The following CDH4 variants were observed in gnomAD, a reference collection of about 807,000 sequenced individuals.
CDH4 encodes cadherin 4, also known as cadherin-4.
Under a neutral mutation model 86.0 loss-of-function variants are expected in CDH4, and 33 were observed. The observed-to-expected ratio is 0.38, with a 90% CI of 0.29 to 0.51. CDH4 has a LOEUF of 0.51. Among genes scored for constraint, CDH4 ranks in the 20% least tolerant of loss-of-function variants. The pLI, the probability that CDH4 is intolerant of heterozygous loss-of-function variation, is 0.86. For synonymous variants in CDH4, 555 were observed against 549.4 expected, an observed-to-expected ratio of 1.01 and a Z score of -0.14; for missense variants, 1,114 against 1,307.4, an observed-to-expected ratio of 0.85 and a Z score of 2.28.
intron 4 of CDH4, among the ~76,000 whole-genome samples, chr20:61,798,218 C>T (rs1600999380): frequency 6.6e-6 from 1 of 151,870 alleles, no homozygotes. Context: ...GGCAGCACCT[C>T]CTGCCAGGAG....
chr20:61,787,818 C>T (rs1978964384), intron 4 of CDH4, among the ~76,000 whole-genome samples: 1 of 152,116 alleles, frequency 6.6e-6, no homozygotes, highest in East Asian at 1.9e-4. Context: ...GATGAGTGCT[C>T]CAGGCAGAGG....
intron 2 of CDH4, among the ~76,000 whole-genome samples, chr20:61,554,919 G>A (rs1487614288): frequency 6.6e-6 from 1 of 152,252 alleles, no homozygotes; most frequent in Non-Finnish European, 1.5e-5. Context: ...ATGTACATGT[G>A]TGCTCGTGTG....
At chr20:61,574,929 C>T (rs1283811084) in intron 2 of CDH4, among the ~76,000 whole-genome samples, 2 of 152,198 alleles carry the variant, frequency 1.3e-5, no homozygotes, top group Non-Finnish European at 2.9e-5. Context: ...CAGGACAGAG[C>T]AAAGATAAGC....
intron 2 of CDH4, among the ~76,000 whole-genome samples, chr20:61,536,423 T>C (rs2145648828): frequency 6.6e-6 from 1 of 151,326 alleles, no homozygotes; most frequent in Middle Eastern, 3.4e-3. Flanking sequence ...CAAATGATAA[T>C]GTTCATGATT....
chr20:61,349,070 G>A (rs67849674), intron 2 of CDH4, among the ~76,000 whole-genome samples: 30,204 of 152,136 alleles, frequency 0.2, 3,002 homozygotes, highest in Middle Eastern at 0.35. Context: ...TATGCTGTGC[G>A]GCCCCAGCAT....
intron 2 of CDH4, among the ~76,000 whole-genome samples, chr20:61,299,913 G>A (rs2084377079): frequency 6.6e-6 from 1 of 152,224 alleles, no homozygotes; most frequent in Non-Finnish European, 1.5e-5. Context: ...TACAGGAGGT[G>A]TGTGGGGTTA....
chr20:61,588,827 A>G (rs1352672329), intron 2 of CDH4, among the ~76,000 whole-genome samples: 1 of 152,186 alleles, frequency 6.6e-6, no homozygotes, highest in East Asian at 1.9e-4. Context: ...AGCTTTTCCA[A>G]CTGATGTATT....
At chr20:61,449,727 C>T (rs1046724477) in intron 2 of CDH4, among the ~76,000 whole-genome samples, 43 of 152,196 alleles carry the variant, frequency 2.8e-4, no homozygotes, top group Non-Finnish European at 5.0e-4. Flanking sequence ...GCCTTTATCA[C>T]TAACTCTACA....
chr20:61,773,612 G>T (rs1461411330), intron 4 of CDH4, among the ~76,000 whole-genome samples: 1 of 152,162 alleles, frequency 6.6e-6, no homozygotes, highest in Admixed American at 6.5e-5. Context: ...GCAAGTTCTT[G>T]GTCCCCGAGC....
intron 2 of CDH4, chr20:61,437,327 G>A (rs2085289130): frequency 6.6e-6 from 1 of 152,180 alleles, no homozygotes; most frequent in African/African-American, 2.4e-5. Context: ...ATTTTCCTCT[G>A]GCAAGATCCC....
At chr20:61,366,183 A>G (rs73917729) in intron 2 of CDH4, among the ~76,000 whole-genome samples, 2 of 152,318 alleles carry the variant, frequency 1.3e-5, no homozygotes, top group Middle Eastern at 6.8e-3. Flanking sequence ...GCAGTCCTCC[A>G]GGGCTGAAGA....
chr20:61,624,310 T>C (rs1319666678), intron 2 of CDH4, among the ~76,000 whole-genome samples: 2 of 152,180 alleles, frequency 1.3e-5, no homozygotes, highest in Non-Finnish European at 1.5e-5. Context: ...TTCCCACAAG[T>C]CATCCTGAAA....
chr20:61,568,643 C>G (rs1242084250), intron 2 of CDH4, among the ~76,000 whole-genome samples: 1 of 152,218 alleles, frequency 6.6e-6, no homozygotes, highest in African/African-American at 2.4e-5. Context: ...GTCTTGGCGC[C>G]TTGGCACTTG....
intron 2 of CDH4, among the ~76,000 whole-genome samples, chr20:61,351,182 A>G (rs772980225): frequency 6.6e-6 from 1 of 152,232 alleles, no homozygotes; most frequent in African/African-American, 2.4e-5. Flanking sequence ...CCCTGGATCA[A>G]CCAACCACAG....
At chr20:61,630,741 G>C (rs530932398) in intron 2 of CDH4, among the ~76,000 whole-genome samples, 1 of 152,340 alleles carries the variant, frequency 6.6e-6, no homozygotes, top group Admixed American at 6.5e-5. Context: ...GTCATGTTCA[G>C]ATCCTCCCTG....
At chr20:61,925,085 G>T (rs139798606) in intron 11 of CDH4, among the ~76,000 whole-genome samples, 8 of 152,194 alleles carry the variant, frequency 5.3e-5, no homozygotes, top group Non-Finnish European at 1.0e-4. Context: ...TGCAGAGGGC[G>T]GTGGCAAGGT....
chr20:61,422,203 G>A (rs1172317099), intron 2 of CDH4, among the ~76,000 whole-genome samples: 1 of 152,006 alleles, frequency 6.6e-6, no homozygotes, highest in Non-Finnish European at 1.5e-5. Flanking sequence ...GAGGTGGGTG[G>A]ATCACCTGAG....
Position 61,661,089 on chromosome 20 carries a change from G to GT in CDH4, c.170-82474_170-82473insT, listed in dbSNP as rs547673753. On this transcript the variant is annotated intron_variant, in intron 2 of 15. Coordinates refer to ENST00000614565, the MANE Select transcript of CDH4 (RefSeq NM_001794.5). ...GGCATGGACAGGAGGCATGGCGGGG[G>GT]GGGGGGAGACACAGTGCCAGGCTCA... Among the ~76,000 whole-genome samples, 26 of 140,452 alleles carry GT rather than the reference G, an allele frequency of 1.9e-4. 5 individuals are homozygous for GT. Among genetic ancestry groups the GT allele is most frequent in the African/African-American group, 4.6e-4 (16 of 34,612 alleles). 92.1% of individuals were successfully genotyped at this position (140,452 alleles called of 152,430 possible).
At chr20:61,558,645 C>T (rs988098820) in intron 2 of CDH4, among the ~76,000 whole-genome samples, 11 of 152,190 alleles carry the variant, frequency 7.2e-5, no homozygotes, top group African/African-American at 2.7e-4. Context: ...TTTTGAGAAA[C>T]GCTGCAGGCT....
Sources: allele counts gnomAD v4.1 joint callset (sites outside exome capture counted in the v4.1 genomes callset), GRCh38; gene constraint gnomAD v4.1.1; transcripts MANE v1.5; gene names NCBI Gene and HGNC (gene_info 2026-07-23, HGNC 2026-07-21).